The following GPC5 variants were observed in gnomAD, a reference collection of about 807,000 sequenced individuals.
GPC5 encodes the protein glypican 5, also known as glypican-5.
In GPC5, 47 loss-of-function variants were observed where a neutral mutation model predicts 53.9. That is an observed-to-expected ratio of 0.87 (90% CI 0.69 to 1.11). The LOEUF (loss-of-function observed/expected upper bound fraction) is 1.11. GPC5 is among the 50% of genes most tolerant of loss of function. The probability of loss-of-function intolerance (pLI) is 0.00; values close to 1 mark genes in which losing one functional copy is unlikely to be tolerated. For synonymous variants in GPC5, 286 were observed against 263.3 expected (o/e 1.09, Z -0.84); for missense variants, 748 against 713.1 (o/e 1.05, Z -0.56).
At chr13:92,408,486 T>TAGAG in intron 7 of GPC5, among the ~76,000 whole-genome samples, 1 of 152,116 alleles carries the variant, frequency 6.6e-6, no homozygotes, top group Non-Finnish European at 1.5e-5. Flanking sequence ...ATGTTTTATA[T>TAGAG]ATTTAAGTCA....
chr13:92,782,824 G>A (rs1366660748), intron 7 of GPC5, among the ~76,000 whole-genome samples: 4 of 151,886 alleles, frequency 2.6e-5, no homozygotes, highest in African/African-American at 7.3e-5. Context: ...ACTTACTTTT[G>A]AATATAAATT....
intron 7 of GPC5, among the ~76,000 whole-genome samples, chr13:92,215,931 G>A (rs766217696): frequency 2.0e-5 from 3 of 152,150 alleles, no homozygotes; most frequent in Non-Finnish European, 4.4e-5. Context: ...AGGCTTTGAT[G>A]TGATGATTTA....
chr13:92,841,691 GGTTA>G (rs1317383252), intron 7 of GPC5, among the ~76,000 whole-genome samples: 5 of 152,030 alleles, frequency 3.3e-5, no homozygotes, highest in South Asian at 2.1e-4. Context: ...TAAAATTTTA[GGTTA>G]GTTGTTCAAA....
At chr13:92,583,900 T>A (rs1186411044) in intron 7 of GPC5, among the ~76,000 whole-genome samples, 1 of 152,052 alleles carries the variant, frequency 6.6e-6, no homozygotes, top group Non-Finnish European at 1.5e-5. Flanking sequence ...AGGGGGAGTT[T>A]CCCTGCACAA....
At chr13:92,206,731 A>G (rs1365687790) in intron 7 of GPC5, among the ~76,000 whole-genome samples, 1 of 152,166 alleles carries the variant, frequency 6.6e-6, no homozygotes, top group Non-Finnish European at 1.5e-5. Context: ...AACATACCAT[A>G]GTATGGCAGA....
At chr13:91,570,247 C>T (rs1363857796) in intron 2 of GPC5, among the ~76,000 whole-genome samples, 3 of 152,102 alleles carry the variant, frequency 2.0e-5, no homozygotes, top group African/African-American at 7.2e-5. Context: ...TTCAGACATG[C>T]ATTTTCCACA....
At chr13:91,492,994 A>G (rs1469479382) in intron 2 of GPC5, among the ~76,000 whole-genome samples, 2 of 151,888 alleles carry the variant, frequency 1.3e-5, no homozygotes. Context: ...GACCTCATTG[A>G]TTCCTACCAT....
At chr13:92,469,935 TG>T (rs752908532) in intron 7 of GPC5, among the ~76,000 whole-genome samples, 1 of 152,112 alleles carries the variant, frequency 6.6e-6, no homozygotes, top group Non-Finnish European at 1.5e-5. Flanking sequence ...CATGACAAAG[TG>T]TCTAAAGAAT....
intron 7 of GPC5, among the ~76,000 whole-genome samples, chr13:92,330,017 T>C (rs1325833458): frequency 6.6e-6 from 1 of 152,006 alleles, no homozygotes; most frequent in Non-Finnish European, 1.5e-5. Context: ...TTTTTTTAAA[T>C]GCATATTCAT....
intron 7 of GPC5, among the ~76,000 whole-genome samples, chr13:92,692,981 C>G (rs928312753): frequency 6.6e-6 from 1 of 151,852 alleles, no homozygotes; most frequent in African/African-American, 2.4e-5. Context: ...TTCCCTCATA[C>G]TATTCTCATG....
chr13:91,412,810 T>A (rs1233156768), intron 1 of GPC5, among the ~76,000 whole-genome samples: 2 of 152,206 alleles, frequency 1.3e-5, no homozygotes, highest in Non-Finnish European at 2.9e-5. Flanking sequence ...AATCAAAGTT[T>A]AAATGCTGAA....
chr13:92,225,197 A>T (rs778344327), intron 7 of GPC5, among the ~76,000 whole-genome samples: 4 of 152,108 alleles, frequency 2.6e-5, no homozygotes, highest in Admixed American at 1.3e-4. Flanking sequence ...GAATATCTTG[A>T]CTTTGATTAT....
chr13:91,933,867 T>G (rs2039845333), intron 6 of GPC5, among the ~76,000 whole-genome samples: 2 of 151,990 alleles, frequency 1.3e-5, no homozygotes, highest in Non-Finnish European at 2.9e-5. Context: ...ACATGTTAAT[T>G]TAAACTTGAT....
In GPC5 at chr13:92,347,881, A is replaced by AT. The variant is rs1395042029; in HGVS notation, c.1561+202894dup. The stretch of plus-strand genomic sequence containing the variant: ...TATATATATTATATATATAATATAT[A>AT]TTATATATATTATATATATAATATA... On this transcript the variant is annotated intron_variant, in intron 7 of 7. Transcript: ENST00000377067. 8.6e-4 allele frequency among the ~76,000 whole-genome samples: 2 copies of AT among 2,328 alleles called. 1 individual carries two copies. The highest frequency in any genetic ancestry group is 2.6e-3 in the African/African-American group (2 of 762). The allele number at this position is 2,328 out of a possible 152,430, so 1.5% of individuals were successfully genotyped here. A position where few individuals can be genotyped will look rare whatever the true frequency, so the allele number is the denominator to read the frequency against.
At chr13:92,160,147 C>T (rs997412639) in intron 7 of GPC5, among the ~76,000 whole-genome samples, 3 of 151,366 alleles carry the variant, frequency 2.0e-5, no homozygotes, top group Admixed American at 6.6e-5. Context: ...TGACCTCAAG[C>T]GATCCACTTG....
intron 5 of GPC5, among the ~76,000 whole-genome samples, chr13:91,792,281 A>T (rs527629289): frequency 6.6e-6 from 1 of 152,368 alleles, no homozygotes; most frequent in Non-Finnish European, 1.5e-5. Flanking sequence ...CATCTAGTAT[A>T]GTAACACATG....
chr13:91,952,835 G>C (rs764917634), intron 6 of GPC5, among the ~76,000 whole-genome samples: 4 of 152,096 alleles, frequency 2.6e-5, no homozygotes, highest in Non-Finnish European at 5.9e-5. Flanking sequence ...ATGCCATGCT[G>C]GATGTATTGG....
At chr13:92,283,046 A>G (rs1020032389) in intron 7 of GPC5, among the ~76,000 whole-genome samples, 9 of 152,214 alleles carry the variant, frequency 5.9e-5, no homozygotes, top group Non-Finnish European at 1.3e-4. Flanking sequence ...GGGATGGAGG[A>G]AGATCTACCA....
At chr13:92,152,009 G>T (rs952659866) in intron 7 of GPC5, among the ~76,000 whole-genome samples, 13 of 152,120 alleles carry the variant, frequency 8.5e-5, no homozygotes, top group Non-Finnish European at 1.8e-4. Context: ...GGATGAGAAG[G>T]TTTCCTGGGA....
Sources: gnomAD v4.1 joint callset for allele counts (sites outside exome capture counted in the v4.1 genomes callset) on GRCh38, gnomAD v4.1.1 for gene constraint, MANE v1.5 for transcripts, NCBI Gene and HGNC (gene_info 2026-07-23, HGNC 2026-07-21) for gene names.